ERC1: variants seen among roughly 807,000 people sequenced by gnomAD.
The protein encoded by ERC1 is RAB6 interacting protein 2.
In ERC1, 56 loss-of-function variants were observed where a neutral mutation model predicts 132.0. That is an observed-to-expected ratio of 0.42 (90% CI 0.34 to 0.53). The LOEUF is 0.53. ERC1 is among the 20% of genes least tolerant of loss of function. The pLI, the probability that ERC1 is intolerant of heterozygous loss-of-function variation, is 0.03. For synonymous variants in ERC1, 478 were observed against 476.1 expected (o/e 1.00, Z -0.05); for missense variants, 1,202 against 1,349.9 (o/e 0.89, Z 1.72).
At chr12:1,126,816 C>T (rs180847580) in intron 7 of ERC1, among the ~76,000 whole-genome samples, 30 of 151,866 alleles carry the variant, frequency 2.0e-4, no homozygotes, top group African/African-American at 6.8e-4. Context: ...GGTGAAACCC[C>T]GTCTCTACTA....
intron 8 of ERC1, among the ~76,000 whole-genome samples, chr12:1,144,702 G>A (rs867347020): frequency 2.7e-5 from 4 of 146,140 alleles, no homozygotes; most frequent in South Asian, 2.1e-4. Context: ...TGATTGGTGG[G>A]CATTTGGGCT....
At chr12:1,376,767 T>G (rs946717226) in intron 16 of ERC1, among the ~76,000 whole-genome samples, 4 of 152,252 alleles carry the variant, frequency 2.6e-5, no homozygotes, top group Non-Finnish European at 5.9e-5. Flanking sequence ...TATGTTTTTA[T>G]GATACTCATT....
At chr12:1,224,400 A>T (rs1467507243) in intron 12 of ERC1, among the ~76,000 whole-genome samples, 1 of 152,212 alleles carries the variant, frequency 6.6e-6, no homozygotes, top group East Asian at 1.9e-4. Flanking sequence ...GTCATCCTTT[A>T]GCCTATAGAG....
chr12:1,440,408 GTGTTAGCCAGGA>G (rs2093091082), intron 17 of ERC1, among the ~76,000 whole-genome samples: 1 of 149,324 alleles, frequency 6.7e-6, no homozygotes, highest in African/African-American at 2.5e-5. Context: ...GGGTTTCACC[GTGTTAGCCAGGA>G]TGGTCTCGAT....
chr12:1,424,857 G>GATCA (rs2092575019), intron 17 of ERC1, among the ~76,000 whole-genome samples: 2 of 115,662 alleles, frequency 1.7e-5, no homozygotes, highest in East Asian at 2.5e-4. Context: ...TAGATAGATA[G>GATCA]ATAGATCGAT....
chr12:1,266,151 G>C (rs574585721), intron 14 of ERC1, among the ~76,000 whole-genome samples: 62 of 152,204 alleles, frequency 4.1e-4, no homozygotes, highest in Admixed American at 2.9e-3. Flanking sequence ...CAAAGTGGCT[G>C]TATGTATTTT....
At chr12:1,079,152 A>G in intron 2 of ERC1, among the ~76,000 whole-genome samples, 1 of 142,690 alleles carries the variant, frequency 7.0e-6, no homozygotes, top group South Asian at 2.2e-4. Context: ...TGACAAGTCG[A>G]TATACAGAGA....
intron 14 of ERC1, among the ~76,000 whole-genome samples, chr12:1,272,425 G>A (rs571370003): frequency 6.6e-6 from 1 of 152,180 alleles, no homozygotes; most frequent in Non-Finnish European, 1.5e-5. Flanking sequence ...CATATGTCAA[G>A]TGTTAATACT....
chr12:1,163,348 C>CA (rs1566118714), intron 8 of ERC1, among the ~76,000 whole-genome samples: 1 of 152,026 alleles, frequency 6.6e-6, no homozygotes, highest in African/African-American at 2.4e-5. Context: ...CACTCCTCTC[C>CA]AAAAAATACT....
At chr12:1,018,508 C>A (rs533228107) in intron 1 of ERC1, among the ~76,000 whole-genome samples, 60 of 152,342 alleles carry the variant, frequency 3.9e-4, no homozygotes, top group Non-Finnish European at 7.2e-4. Flanking sequence ...AGCCACCACA[C>A]CCAGCCTAAT....
intron 2 of ERC1, among the ~76,000 whole-genome samples, chr12:1,060,140 G>A (rs947806781): frequency 6.6e-6 from 1 of 151,034 alleles, no homozygotes; most frequent in African/African-American, 2.4e-5. Flanking sequence ...TGGCTGGGGA[G>A]GCCTCAGAAT....
chr12:1,356,212 AAGTG>A (rs1000525902), intron 15 of ERC1, among the ~76,000 whole-genome samples: 2 of 119,060 alleles, frequency 1.7e-5, no homozygotes, highest in African/African-American at 3.3e-5. Flanking sequence ...AAAAAAAAAA[AAGTG>A]TGTGTGTGTG....
At chr12:1,317,569 A>C (rs972504333) in intron 15 of ERC1, among the ~76,000 whole-genome samples, 3 of 151,598 alleles carry the variant, frequency 2.0e-5, no homozygotes, top group Admixed American at 6.6e-5. Context: ...AAGTAAATCC[A>C]AAAAAAAATT....
In ERC1 at chr12:1,429,814, C is replaced by T. The variant is rs141340063; in HGVS notation, c.3025-14748C>T. 1.5e-3 allele frequency among the ~76,000 whole-genome samples: 235 copies of T among 152,320 alleles called. 2 individuals carry two copies. Among genetic ancestry groups the T allele is most frequent in the African/African-American group, 5.3e-3 (222 of 41,570 alleles). The stretch of plus-strand genomic sequence containing the variant: ...AAGGACATTTGCAAAGATATAGAAG[C>T]ATAAGCAGCATAACAAATTTAGTAT... On this transcript the variant is annotated intron_variant, in intron 17 of 18. Coordinates refer to ENST00000360905, the MANE Select transcript of ERC1 (RefSeq NM_178040.4).
At chr12:1,489,838 A>G (rs1438970857) in intron 18 of ERC1, among the ~76,000 whole-genome samples, 5 of 152,188 alleles carry the variant, frequency 3.3e-5, no homozygotes, top group Admixed American at 2.6e-4. Flanking sequence ...TTCTGTTTAC[A>G]GTGAGAGGCC....
intron 13 of ERC1, among the ~76,000 whole-genome samples, chr12:1,244,209 AT>A (rs1342875819): frequency 6.6e-6 from 1 of 152,218 alleles, no homozygotes; most frequent in East Asian, 1.9e-4. Flanking sequence ...GAAGTATTTA[AT>A]AATTGTCACA....
intron 18 of ERC1, among the ~76,000 whole-genome samples, chr12:1,467,609 G>A (rs1287315236): frequency 6.6e-6 from 1 of 152,224 alleles, no homozygotes; most frequent in Non-Finnish European, 1.5e-5. Flanking sequence ...AGACAGGGGA[G>A]TGGCAGGGAA....
At chr12:1,025,655 G>A (rs996652390) in intron 1 of ERC1, among the ~76,000 whole-genome samples, 4 of 152,088 alleles carry the variant, frequency 2.6e-5, no homozygotes, top group African/African-American at 9.7e-5. Flanking sequence ...ATGTGAAGAC[G>A]AGTATACGTT....
At chr12:1,125,921 C>G (rs181736793) in intron 7 of ERC1, among the ~76,000 whole-genome samples, 1 of 152,326 alleles carries the variant, frequency 6.6e-6, no homozygotes, top group African/African-American at 2.4e-5. Context: ...TATGATTCCA[C>G]TTGTCATACC....
Sources: gnomAD v4.1 joint callset for allele counts (sites outside exome capture counted in the v4.1 genomes callset) on GRCh38, gnomAD v4.1.1 for gene constraint, MANE v1.5 for transcripts, NCBI Gene and HGNC (gene_info 2026-07-23, HGNC 2026-07-21) for gene names.